EYA2: variants seen among roughly 807,000 people sequenced by gnomAD.
The protein encoded by EYA2 is EYA transcriptional coactivator and phosphatase 2.
EYA2 carries 31 observed loss-of-function variants against 69.2 expected under a neutral mutation model. The ratio of observed to expected loss-of-function variants is 0.45; its 90% confidence interval spans 0.34 to 0.60. EYA2 has a LOEUF of 0.60. Among genes scored for constraint, EYA2 ranks in the 20% least tolerant of loss-of-function variants. EYA2 has a pLI of 0.02. For missense variants in EYA2, 622 were observed against 701.2 expected, an observed-to-expected ratio of 0.89 and a Z score of 1.28; for synonymous variants, 257 against 279.4, an observed-to-expected ratio of 0.92 and a Z score of 0.80.
At chr20:47,015,781 G>A (rs1379757685) in intron 4 of EYA2, among the ~76,000 whole-genome samples, 2 of 152,138 alleles carry the variant, frequency 1.3e-5, no homozygotes, top group African/African-American at 2.4e-5. Context: ...AAAATAGCAC[G>A]TTAAAACCAG....
intron 1 of EYA2, among the ~76,000 whole-genome samples, chr20:46,905,055 C>G (rs944583892): frequency 9.2e-5 from 14 of 152,184 alleles, no homozygotes; most frequent in South Asian, 2.1e-4. Context: ...TTAAAGTATA[C>G]AGGTATGCCT....
At chr20:47,087,196 A>G (rs747495507) in intron 7 of EYA2, among the ~76,000 whole-genome samples, 23 of 152,190 alleles carry the variant, frequency 1.5e-4, no homozygotes, top group Admixed American at 7.9e-4. Flanking sequence ...TATTAAATAA[A>G]CAAAGTTCAG....
At chr20:47,016,757 G>A (rs1157181820) in intron 5 of EYA2, among the ~76,000 whole-genome samples, 1 of 152,218 alleles carries the variant, frequency 6.6e-6, no homozygotes, top group Non-Finnish European at 1.5e-5. Context: ...GCAGGGAAAT[G>A]TCTGGATGTA....
chr20:47,029,771 A>G (rs1984300248), intron 5 of EYA2, among the ~76,000 whole-genome samples: 1 of 152,180 alleles, frequency 6.6e-6, no homozygotes, highest in Non-Finnish European at 1.5e-5. Context: ...TCTACAACAC[A>G]TAATTGAACA....
intron 9 of EYA2, among the ~76,000 whole-genome samples, chr20:47,130,621 C>T (rs1003460024): frequency 2.0e-5 from 3 of 151,988 alleles, no homozygotes; most frequent in African/African-American, 7.3e-5. Flanking sequence ...CAAACATGAC[C>T]GCAATAGAAG....
chr20:46,967,119 A>C (rs943994249), intron 1 of EYA2, among the ~76,000 whole-genome samples: 6 of 152,176 alleles, frequency 3.9e-5, no homozygotes, highest in Non-Finnish European at 7.3e-5. Flanking sequence ...TCAGACACCC[A>C]AGTAGCTGGG....
At chr20:47,164,402 G>A (rs778650004) in intron 10 of EYA2, among the ~76,000 whole-genome samples, 1 of 152,188 alleles carries the variant, frequency 6.6e-6, no homozygotes, top group Non-Finnish European at 1.5e-5. Context: ...CAAGGAAAGC[G>A]CATGGAACCC....
intron 5 of EYA2, among the ~76,000 whole-genome samples, chr20:47,057,043 TGAAA>T (rs1295605937): frequency 8.0e-6 from 1 of 124,574 alleles, no homozygotes; most frequent in Non-Finnish European, 1.6e-5. Flanking sequence ...GAGGCACTGT[TGAAA>T]GAAAGAAAGG....
intron 11 of EYA2, among the ~76,000 whole-genome samples, chr20:47,170,445 G>A (rs1462016373): frequency 2.6e-5 from 4 of 151,660 alleles, no homozygotes; most frequent in Admixed American, 6.6e-5. Flanking sequence ...TCAGGAGTTC[G>A]AGACCAGCCT....
At chr20:46,990,539 A>G (rs1406517782) in intron 2 of EYA2, among the ~76,000 whole-genome samples, 2 of 152,240 alleles carry the variant, frequency 1.3e-5, no homozygotes, top group Non-Finnish European at 2.9e-5. Flanking sequence ...CATTAGGGCA[A>G]GAACTCGTCT....
intron 10 of EYA2, among the ~76,000 whole-genome samples, chr20:47,144,649 T>C (rs528030160): frequency 5.9e-5 from 9 of 152,328 alleles, no homozygotes; most frequent in African/African-American, 1.9e-4. Flanking sequence ...GTCTAATCTA[T>C]GTAAGCCTCT....
Position 46,896,387 on chromosome 20 carries a change from T to C in EYA2, c.-11+1400T>C, listed in dbSNP as rs970695892. On this transcript the variant is annotated intron_variant, in intron 1 of 15. Coordinates refer to ENST00000327619, the MANE Select transcript of EYA2 (RefSeq NM_005244.5). ...CATTTGTTAGCAACTAACATACACA[T>C]GTAACCATCCTGCTTACAAAAAAAA... Among the ~76,000 whole-genome samples, 27 of 147,862 alleles carry C rather than the reference T, an allele frequency of 1.8e-4. 1 individual carries two copies. Among genetic ancestry groups the C allele is most frequent in the Admixed American group, 6.7e-5 (1 of 15,000 alleles).
chr20:46,998,433 TACA>T (rs1358676733), intron 2 of EYA2: 1 of 152,284 alleles, frequency 6.6e-6, no homozygotes, highest in East Asian at 1.9e-4. Flanking sequence ...GATGTTTGGC[TACA>T]ACAACTGCAG....
rs745399287 is a variant in EYA2 at position 47,183,308 on chromosome 20, G to A, written c.1453G>A (p.Glu485Lys). 19 of 1,613,976 alleles carry A rather than the reference G, an allele frequency of 1.2e-5. No individual in the cohort carries two copies. The highest frequency in any genetic ancestry group is 2.2e-5 in the East Asian group (1 of 44,896). ...GCGTGCAGGGAAGGAGAGCTGCTTC[G>A]AGAGGATAATGCAGAGATTCGGCAG... ...ATKTGKESCF[E>K]RIMQRFGRKA... Residue 485 changes from glutamate to lysine, a missense_variant, in exon 15 of 16, where the codon GAG (glutamate) becomes AAG (lysine). Around this residue, in one of 2 missense-constraint regions of EYA2, gnomAD observed 257 missense variants for 351.5 expected, o/e 0.73. Coordinates refer to ENST00000327619, the MANE Select transcript of EYA2 (RefSeq NM_005244.5).
At chr20:46,916,304 T>C (rs1195293299) in intron 1 of EYA2, among the ~76,000 whole-genome samples, 1 of 152,168 alleles carries the variant, frequency 6.6e-6, no homozygotes, top group Non-Finnish European at 1.5e-5. Context: ...AAATGGTCTT[T>C]AACTGCTCGA....
At chr20:47,036,343 G>C (rs1225306280) in intron 5 of EYA2, among the ~76,000 whole-genome samples, 3 of 152,166 alleles carry the variant, frequency 2.0e-5, no homozygotes, top group Non-Finnish European at 4.4e-5. Flanking sequence ...ACTCCCTGAT[G>C]AACAAAGTAT....
chr20:47,072,553 C>T (rs74627735), intron 6 of EYA2, among the ~76,000 whole-genome samples: 3,816 of 152,284 alleles, frequency 0.025, 68 homozygotes, highest in Middle Eastern at 0.041. Context: ...TATATCAATA[C>T]AAATGGGTGG....
chr20:47,183,340 T>A lies in EYA2; in HGVS notation c.1485T>A (p.Ala495=). The A allele has an allele frequency of 6.2e-7, 1 of 1,614,116 alleles. No individual in the cohort carries two copies. The highest frequency in any genetic ancestry group is 8.5e-7 in the Non-Finnish European group (1 of 1,180,018). The change falls in exon 15 of 16, where the codon GCT becomes GCA. Residue 495 remains alanine (A), a synonymous_variant. Coordinates refer to ENST00000327619, the MANE Select transcript of EYA2 (RefSeq NM_005244.5). ...ERIMQRFGRK[A]VYVVIGDGVE... ...TAATGCAGAGATTCGGCAGAAAAGC[T>A]GTCTACGTGGTGATCGGTGATGGTG...
chr20:46,956,063 T>G (rs1979106419), intron 1 of EYA2, among the ~76,000 whole-genome samples: 1 of 152,230 alleles, frequency 6.6e-6, no homozygotes, highest in South Asian at 2.1e-4. Context: ...CCCCTGACCT[T>G]TTTGTCTTCC....
Sources: allele counts gnomAD v4.1 joint callset (sites outside exome capture counted in the v4.1 genomes callset), GRCh38; gene constraint gnomAD v4.1.1; regional missense constraint gnomAD v4.1.1; transcripts MANE v1.5; gene names NCBI Gene and HGNC (gene_info 2026-07-23, HGNC 2026-07-21).